Variants in STARD13 observed in about 807,000 individuals in gnomAD.
STARD13 encodes StAR related lipid transfer domain containing 13, also known as stAR-related lipid transfer protein 13.
STARD13 carries 62 observed loss-of-function variants against 106.4 expected under a neutral mutation model. The observed-to-expected ratio is 0.58, with a 90% CI of 0.48 to 0.72. The LOEUF (loss-of-function observed/expected upper bound fraction) is 0.72, where lower values mean the gene tolerates loss of function less well. Ranked by LOEUF, STARD13 falls within the 30% of genes least tolerant of loss-of-function variation. STARD13 has a pLI of 0.00. For missense variants in STARD13, 1,387 were observed against 1,424.0 expected (o/e 0.97, Z 0.42); for synonymous variants, 565 against 553.0 (o/e 1.02, Z -0.31).
downstream of STARD13, among the ~76,000 whole-genome samples, chr13:33,348,280 C>T (rs975287855): frequency 9.8e-5 from 15 of 152,330 alleles, no homozygotes; most frequent in African/African-American, 2.2e-4. Flanking sequence ...TATATATTCA[C>T]GATCTTAAAG....
At chr13:33,625,194 T>A in the STARD13 span, among the ~76,000 whole-genome samples, 1 of 152,096 alleles carries the variant, frequency 6.6e-6, no homozygotes. Flanking sequence ...GAGAAAGAAA[T>A]GAGAACTCAT....
chr13:33,674,593 G>C, the STARD13 span, among the ~76,000 whole-genome samples: 1 of 152,146 alleles, frequency 6.6e-6, no homozygotes. Context: ...TGTCCCCCAG[G>C]CATTCCTATG....
the STARD13 span, among the ~76,000 whole-genome samples, chr13:33,419,562 A>T: frequency 3.9e-5 from 6 of 152,364 alleles, no homozygotes; most frequent in South Asian, 1.2e-3. Flanking sequence ...AACTTCCCCA[A>T]CCTAGCAAGG....
the STARD13 span, among the ~76,000 whole-genome samples, chr13:33,434,884 G>GGGAAGGAAAGAAGGAAGGAAGGAA: frequency 8.2e-6 from 1 of 122,254 alleles, no homozygotes; most frequent in Non-Finnish European, 1.8e-5. Context: ...AAGGAAGGGA[G>GGGAAGGAAAGAAGGAAGGAAGGAA]GGAAGGAAAG....
chr13:33,573,322 G>C, the STARD13 span, among the ~76,000 whole-genome samples: 4 of 152,194 alleles, frequency 2.6e-5, no homozygotes, highest in Non-Finnish European at 5.9e-5. Context: ...ATGTGCTCTA[G>C]TTAAGTATCT....
the STARD13 span, among the ~76,000 whole-genome samples, chr13:33,373,794 GT>G: frequency 1.3e-5 from 2 of 151,570 alleles, no homozygotes; most frequent in Non-Finnish European, 2.9e-5. Flanking sequence ...TAGAAAATAA[GT>G]GTTGGTGAGA....
At chr13:33,276,216 G>T (rs1258548014) in intron 1 of STARD13, 5 of 152,226 alleles carry the variant, frequency 3.3e-5, no homozygotes, top group Admixed American at 2.0e-4. Context: ...ATCTGAAAGA[G>T]ACCAATGGTG....
intron 8 of STARD13, chr13:33,113,636 G>A: frequency 2.1e-6 from 1 of 480,616 alleles, no homozygotes. Flanking sequence ...ATAATCTTGG[G>A]GTTTATGGAA....
intron 1 of STARD13, among the ~76,000 whole-genome samples, chr13:33,329,019 G>A (rs2077806798): frequency 6.6e-6 from 1 of 152,164 alleles, no homozygotes; most frequent in Non-Finnish European, 1.5e-5. Flanking sequence ...CGGTGCAGCT[G>A]TTCAATGCAT....
intron 1 of STARD13, among the ~76,000 whole-genome samples, chr13:33,266,009 C>T (rs139804428): frequency 2.0e-5 from 3 of 152,184 alleles, no homozygotes; most frequent in African/African-American, 7.2e-5. Flanking sequence ...TTTATAATTT[C>T]TTTATCACCA....
the STARD13 span, among the ~76,000 whole-genome samples, chr13:33,417,375 C>A: frequency 1.3e-5 from 2 of 152,196 alleles, no homozygotes; most frequent in Non-Finnish European, 2.9e-5. Flanking sequence ...TCTAACCTGA[C>A]TGTTAGAAGG....
At chr13:33,327,371 C>CT (rs535537380) in intron 1 of STARD13, among the ~76,000 whole-genome samples, 15 of 151,986 alleles carry the variant, frequency 9.9e-5, no homozygotes, top group Non-Finnish European at 1.6e-4. Flanking sequence ...TTTATATTTA[C>CT]TTTTTTTTAA....
intron 1 of STARD13, among the ~76,000 whole-genome samples, chr13:33,206,559 T>A (rs1191311634): frequency 6.6e-6 from 1 of 152,174 alleles, no homozygotes; most frequent in Non-Finnish European, 1.5e-5. Context: ...CATTACACCC[T>A]CAGTTGGCAA....
rs201865312 is a variant in STARD13, at chr13:33,130,238, G to C, written c.439C>G (p.Gln147Glu). The C allele has an allele frequency of 2.6e-5, 42 of 1,608,044 alleles. No homozygotes were observed. Among genetic ancestry groups the C allele is most frequent in the Non-Finnish European group, 3.5e-5 (41 of 1,179,998 alleles). ...DLCISNKWTF[Q>E]RTSRRWSRVD... The stretch of plus-strand genomic sequence containing the variant: ...CGAGACCACCTGCGACTGGTTCTTT[G>C]GAAAGTCCATTTGTTGCTGATACAA... Residue 147 changes from glutamine to glutamate, a missense_variant, in exon 5 of 14, where the codon CAA (glutamine) becomes GAA (glutamate). Transcript: ENST00000336934. The surrounding 1 kb of genome is among the most constrained non-coding windows in gnomAD (Gnocchi z 4.1).
chr13:33,259,300 C>G (rs576471469), intron 1 of STARD13, among the ~76,000 whole-genome samples: 1 of 152,326 alleles, frequency 6.6e-6, no homozygotes, highest in East Asian at 1.9e-4. Context: ...TAGGGACTGA[C>G]AGTATCTTCT....
intron 1 of STARD13, among the ~76,000 whole-genome samples, chr13:33,222,485 A>G (rs1264126607): frequency 6.6e-6 from 1 of 152,212 alleles, no homozygotes; most frequent in African/African-American, 2.4e-5. Flanking sequence ...AATTTTACAA[A>G]TTATTAATAA....
At chr13:33,555,265 A>G in the STARD13 span, among the ~76,000 whole-genome samples, 1 of 152,222 alleles carries the variant, frequency 6.6e-6, no homozygotes, top group Non-Finnish European at 1.5e-5. Context: ...GCATCAAATC[A>G]GCTAAGCCCA....
the STARD13 span, among the ~76,000 whole-genome samples, chr13:33,590,447 C>T: frequency 6.6e-6 from 1 of 152,016 alleles, no homozygotes; most frequent in Admixed American, 6.6e-5. Flanking sequence ...TTGGAACCAA[C>T]CCAAATGTCC....
At chr13:33,595,653 G>A in the STARD13 span, among the ~76,000 whole-genome samples, 6 of 152,144 alleles carry the variant, frequency 3.9e-5, no homozygotes, top group African/African-American at 1.2e-4. Flanking sequence ...ATGATTTACT[G>A]TGTACCTAAA....
Sources: gnomAD v4.1 joint callset for allele counts (sites outside exome capture counted in the v4.1 genomes callset) on GRCh38, gnomAD v4.1.1 for gene constraint, Gnocchi (gnomAD v3.1) non-coding constraint, MANE v1.5 for transcripts, NCBI Gene and HGNC (gene_info 2026-07-23, HGNC 2026-07-21) for gene names.